The following RNF169 variants were observed in gnomAD, a reference collection of about 807,000 sequenced individuals.
RNF169 encodes ring finger protein 169.
In RNF169, 24 loss-of-function variants were observed where a neutral mutation model predicts 53.9. The ratio of observed to expected loss-of-function variants is 0.45; its 90% CI spans 0.32 to 0.63. The LOEUF (loss-of-function observed/expected upper bound fraction) is 0.63, where lower values mean the gene tolerates loss of function less well. Among genes scored for constraint, RNF169 ranks in the 20% least tolerant of loss-of-function variants. The pLI is 0.04. For missense variants in RNF169, 883 were observed against 906.2 expected, an observed-to-expected ratio of 0.97 and a Z score of 0.33; for synonymous variants, 396 against 363.5, an observed-to-expected ratio of 1.09 and a Z score of -1.02.
rs2036284578 is a variant in RNF169 at position 74,838,122 on chromosome 11, T to C, written c.*1392T>C. Reference sequence around the variant, plus strand: ...GGTGAAAGCATTTCTGGAACTGTCTTCAAAGACTAGAAACACTGACTCCCA... The same window carrying C: ...GGTGAAAGCATTTCTGGAACTGTCTCCAAAGACTAGAAACACTGACTCCCA... On this transcript the variant is annotated 3_prime_UTR_variant, in exon 6 of 6. Transcript: ENST00000299563. 6.6e-6 allele frequency: 1 copy of C among 152,162 alleles called. No homozygotes were observed. Among genetic ancestry groups the C allele is most frequent in the South Asian group, 2.1e-4 (1 of 4,824 alleles). 9.4% of individuals were successfully genotyped at this position (152,162 alleles called of 1,614,324 possible).
intron 1 of RNF169, among the ~76,000 whole-genome samples, chr11:74,764,659 TAGGATATA>T (rs1180360683): frequency 6.6e-6 from 1 of 152,080 alleles, no homozygotes; most frequent in East Asian, 1.9e-4. Context: ...GGGGAGAAAG[TAGGATATA>T]AGAAGTTGTG....
At chr11:74,777,087 T>C (rs572049065) in intron 1 of RNF169, among the ~76,000 whole-genome samples, 46 of 152,334 alleles carry the variant, frequency 3.0e-4, no homozygotes, top group African/African-American at 9.9e-4. Context: ...TTACTTATCA[T>C]TGAATGCCCA....
At chr11:74,782,593 GA>G (rs1051085748) in intron 1 of RNF169, among the ~76,000 whole-genome samples, 3 of 152,306 alleles carry the variant, frequency 2.0e-5, no homozygotes, top group Middle Eastern at 3.4e-3. Flanking sequence ...CCTTGTGCCA[GA>G]AAGGCTGGGG....
chr11:74,773,722 T>C (rs1053597658), intron 1 of RNF169, among the ~76,000 whole-genome samples: 2 of 152,220 alleles, frequency 1.3e-5, no homozygotes, highest in Non-Finnish European at 2.9e-5. Context: ...GATTGGAAGT[T>C]AGTGGATCTG....
In RNF169 at chr11:74,837,077, G is replaced by A; in HGVS notation, c.*347G>A. 5.5e-6 allele frequency: 1 copy of A among 180,472 alleles called. No individual in the cohort carries two copies. The allele number at this position is 180,472 out of a possible 1,614,324, so 11.2% of individuals were successfully genotyped here. On this transcript the variant is annotated 3_prime_UTR_variant, in exon 6 of 6. Transcript: ENST00000299563. ...CTGATAGACTTCCTGACTTCTTTCA[G>A]CAGGGTATTGTTTTAAATCAGCCTT...
intron 1 of RNF169, among the ~76,000 whole-genome samples, chr11:74,779,322 C>T (rs2035383025): frequency 6.6e-6 from 1 of 151,896 alleles, no homozygotes; most frequent in African/African-American, 2.4e-5. Context: ...CTACTACTAC[C>T]ATAGTAGTAA....
chr11:74,798,552 C>T (rs909029441), intron 2 of RNF169, among the ~76,000 whole-genome samples: 16 of 152,116 alleles, frequency 1.1e-4, no homozygotes, highest in African/African-American at 3.1e-4. Flanking sequence ...ATTTTAATTT[C>T]GCCTCGGTCC....
In RNF169 at chr11:74,749,017, C is replaced by T; in HGVS notation, c.137C>T (p.Ser46Leu). 6.7e-7 allele frequency: 1 copy of T among 1,495,974 alleles called. No individual in the cohort carries two copies. The highest frequency in any genetic ancestry group is 8.9e-7 in the Non-Finnish European group (1 of 1,119,852). The allele number at this position is 1,495,974 out of a possible 1,614,324, so 92.7% of individuals were successfully genotyped here. Residue 46 changes from serine to leucine, a missense_variant, in exon 1 of 6, where the codon TCG becomes TTG. This residue lies in a region of RNF169 where 313 missense variants were observed against 279.9 expected (regional missense o/e 1.12). Transcript: ENST00000299563. Reference protein sequence around the residue: ...TGAPGPASGPSLLVLSPPLLQ... With the variant: ...TGAPGPASGPLLLVLSPPLLQ... ...GCCCCAGGCCCGGCTTCTGGACCTT[C>T]GCTGTTGGTGTTGTCGCCGCCGTTG... is the stretch of plus-strand genomic sequence containing the variant.
intron 4 of RNF169, among the ~76,000 whole-genome samples, chr11:74,824,183 ACAGTAT>A (rs993652653): frequency 5.3e-5 from 8 of 152,330 alleles, no homozygotes; most frequent in African/African-American, 1.4e-4. Flanking sequence ...TCCTAAGTAG[ACAGTAT>A]CAGTAAAGAG....
chr11:74,784,017 T>A (rs1033218126), intron 1 of RNF169, among the ~76,000 whole-genome samples: 1 of 152,188 alleles, frequency 6.6e-6, no homozygotes, highest in Admixed American at 6.5e-5. Context: ...TTTCTGGCCT[T>A]TTCCTGGTTC....
At chr11:74,763,810 A>G (rs2035128521) in intron 1 of RNF169, among the ~76,000 whole-genome samples, 2 of 152,214 alleles carry the variant, frequency 1.3e-5, no homozygotes, top group South Asian at 4.1e-4. Context: ...AAAGTCCTGA[A>G]TCCTTAGGTT....
chr11:74,750,798 T>G (rs530730595), intron 1 of RNF169, among the ~76,000 whole-genome samples: 1 of 150,532 alleles, frequency 6.6e-6, no homozygotes, highest in Non-Finnish European at 1.5e-5. Flanking sequence ...CAGATGAGGT[T>G]TCACTGTGTT....
intron 2 of RNF169, among the ~76,000 whole-genome samples, chr11:74,796,032 C>A (rs1025038504): frequency 6.6e-6 from 1 of 152,136 alleles, no homozygotes; most frequent in Non-Finnish European, 1.5e-5. Flanking sequence ...TAAAATATCT[C>A]ATTGTTTTAA....
chr11:74,779,600 T>A (rs935410658), intron 1 of RNF169, among the ~76,000 whole-genome samples: 7 of 152,172 alleles, frequency 4.6e-5, no homozygotes, highest in Non-Finnish European at 5.9e-5. Context: ...GGAAACACTT[T>A]AGTTTGGTTT....
intron 1 of RNF169, among the ~76,000 whole-genome samples, chr11:74,784,607 A>G (rs758239785): frequency 1.2e-4 from 19 of 152,258 alleles, no homozygotes; most frequent in Non-Finnish European, 2.4e-4. Context: ...GAAACTCGTT[A>G]GAGACTTAGT....
intron 4 of RNF169, among the ~76,000 whole-genome samples, chr11:74,820,392 A>G (rs1282537625): frequency 1.3e-5 from 2 of 152,242 alleles, no homozygotes; most frequent in South Asian, 2.1e-4. Flanking sequence ...TAAAATGGAA[A>G]TATCTAGAGG....
intron 1 of RNF169, among the ~76,000 whole-genome samples, 170 bp from the exon 2 acceptor site, chr11:74,789,456 C>T (rs1464346135): frequency 6.6e-6 from 1 of 152,146 alleles, no homozygotes; most frequent in African/African-American, 2.4e-5. Context: ...CAGAAGGAGA[C>T]AGAAGTGTAT....
At chr11:74,828,930 A>T (rs1007245457) in intron 4 of RNF169, among the ~76,000 whole-genome samples, 1 of 152,262 alleles carries the variant, frequency 6.6e-6, no homozygotes, top group Non-Finnish European at 1.5e-5. Flanking sequence ...GACCATAGGC[A>T]TGGGCAAAGA....
intron 2 of RNF169, among the ~76,000 whole-genome samples, chr11:74,792,394 G>GTA (rs2035591374): frequency 1.3e-5 from 2 of 152,072 alleles, no homozygotes; most frequent in Non-Finnish European, 2.9e-5. Flanking sequence ...AAAAGACATA[G>GTA]TAAGAGTAGG....
Sources: gnomAD v4.1 joint callset for allele counts (sites outside exome capture counted in the v4.1 genomes callset) on GRCh38, gnomAD v4.1.1 for gene constraint, gnomAD v4.1.1 regional missense constraint, MANE v1.5 for transcripts, NCBI Gene and HGNC (gene_info 2026-07-23, HGNC 2026-07-21) for gene names.